Variants in ATP2C1 observed in about 807,000 individuals in gnomAD.
ATP2C1 encodes ATPase secretory pathway Ca2+ transporting 1, also known as calcium-transporting ATPase type 2C member 1.
ATP2C1 carries 31 observed loss-of-function variants against 120.5 expected under a neutral mutation model. That is an observed-to-expected ratio of 0.26 (90% CI 0.19 to 0.35). The LOEUF (loss-of-function observed/expected upper bound fraction) is 0.35. Ranked by LOEUF, ATP2C1 falls within the 10% of genes least tolerant of loss-of-function variation. ATP2C1 has a pLI of 1.00. For synonymous variants in ATP2C1, 351 were observed against 358.7 expected (o/e 0.98, Z 0.24); for missense variants, 731 against 1,107.5 (o/e 0.66, Z 4.83).
intron 6 of ATP2C1, among the ~76,000 whole-genome samples, chr3:130,939,830 A>G (rs895918520): frequency 6.6e-6 from 1 of 152,198 alleles, no homozygotes; most frequent in African/African-American, 2.4e-5. Context: ...GACTAGTACT[A>G]GCACTGCAGT....
At chr3:130,918,227 C>T (rs1269118129) in intron 2 of ATP2C1, 2 of 1,459,608 alleles carry the variant, frequency 1.4e-6, no homozygotes, top group Non-Finnish European at 1.9e-6. Context: ...CCTTACTGGG[C>T]ATGAACAAGA....
At chr3:130,870,787 G>T (rs887330738) in intron 1 of ATP2C1, among the ~76,000 whole-genome samples, 9 of 152,180 alleles carry the variant, frequency 5.9e-5, no homozygotes, top group Admixed American at 4.6e-4. Flanking sequence ...ATAAACTGAG[G>T]TGATAAAGCA....
intron 14 of ATP2C1, 114 bp downstream of exon 14, chr3:130,965,159 T>G: frequency 1.4e-6 from 1 of 727,648 alleles, no homozygotes; most frequent in Non-Finnish European, 2.4e-6. Context: ...AAATTAGTAG[T>G]GGAGTTATTT....
intron 2 of ATP2C1, among the ~76,000 whole-genome samples, chr3:130,922,276 T>G (rs2108265975): frequency 6.6e-6 from 1 of 152,338 alleles, no homozygotes; most frequent in Middle Eastern, 3.4e-3. Flanking sequence ...TTGAATGATC[T>G]TTTCTATTTC....
rs1418690702 is a variant in ATP2C1 at position 130,963,964 on chromosome 3, G to T, written c.900-7G>T. ...ACATTTTAATACTTTGTATATGTTG[G>T]TTATAGTTTGGCTGTAGCAGCAATT... is the stretch of plus-strand genomic sequence containing the variant. On this transcript the variant is annotated splice_polypyrimidine_tract_variant and splice_region_variant and intron_variant, in intron 12 of 27. Transcript: ENST00000510168. 6.2e-7 allele frequency: 1 copy of T among 1,612,182 alleles called. No individual in the cohort carries two copies. Among genetic ancestry groups the T allele is most frequent in the Admixed American group, 1.7e-5 (1 of 59,912 alleles).
At chr3:131,016,406 C>CAT in exon 27 of ATP2C1, 1 of 1,516,902 alleles carries the variant, frequency 6.6e-7, no homozygotes, top group Non-Finnish European at 9.1e-7. Flanking sequence ...ATTTTCTCCA[C>CAT]ATATACTACA....
chr3:131,012,307 G>T (rs1230220764), intron 26 of ATP2C1, among the ~76,000 whole-genome samples: 1 of 148,034 alleles, frequency 6.8e-6, no homozygotes, highest in Non-Finnish European at 1.5e-5. Context: ...ACCCAGGCTG[G>T]AGTACAGTGG....
chr3:130,975,207 C>A, intron 17 of ATP2C1, 125 bp from the exon 18 acceptor site: 1 of 950,106 alleles, frequency 1.1e-6, no homozygotes, highest in Non-Finnish European at 1.7e-6. Context: ...AGGTGGCAGT[C>A]AAAACCTTAG....
chr3:130,946,487 G>A (rs1157814948), intron 8 of ATP2C1, among the ~76,000 whole-genome samples: 4 of 152,222 alleles, frequency 2.6e-5, no homozygotes, highest in Non-Finnish European at 5.9e-5. Flanking sequence ...ACCTGAAGGA[G>A]TCAGAAATAA....
downstream of ATP2C1, among the ~76,000 whole-genome samples, chr3:131,007,185 C>A (rs746261743): frequency 2.0e-5 from 3 of 152,048 alleles, no homozygotes; most frequent in Admixed American, 2.0e-4. Flanking sequence ...CTTAGAAATC[C>A]TTTTCTAATG....
rs923355164 is a variant in ATP2C1 at position 130,918,156 on chromosome 3, A to G, written c.7-12260A>G. ...TAGAATTTTGCAGTAGTTTAGAAAGATTATCTGTGCCTAGATTATGAAGAG... is the reference window on the plus strand; with the variant it reads ...TAGAATTTTGCAGTAGTTTAGAAAGGTTATCTGTGCCTAGATTATGAAGAG... On this transcript the variant is annotated intron_variant, in intron 2 of 27. Coordinates refer to ENST00000510168, the MANE Select transcript of ATP2C1 (RefSeq NM_001378687.1). The G allele has an allele frequency of 7.4e-6, 7 of 946,198 alleles. No individual in the cohort carries two copies. The African/African-American group carries it at 9.7e-5, about 13-fold the overall frequency. 58.6% of individuals were successfully genotyped at this position (946,198 alleles called of 1,614,324 possible). A position where few individuals can be genotyped will look rare whatever the true frequency, so the allele number is the denominator to read the frequency against.
At chr3:131,015,889 T>G in intron 26 of ATP2C1, 1 of 570,642 alleles carries the variant, frequency 1.8e-6, no homozygotes, top group South Asian at 1.7e-5. Context: ...TATTAATGTA[T>G]TACTTAAAGG....
chr3:130,962,755 G>T (rs2060881387), intron 12 of ATP2C1: 1 of 149,070 alleles, frequency 6.7e-6, no homozygotes. Context: ...GAAAAAAAAG[G>T]ATTCCATTTG....
Position 131,002,359 on chromosome 3 carries a change from CAA to C in ATP2C1, c.*1011_*1012del, listed in dbSNP as rs1343632303. ...AGAATAAAAAGTCCCCAAACCCAAA[CAA>C]ATGGTTTATGAACCAGAGTATATGT... On this transcript the variant is annotated 3_prime_UTR_variant, in exon 28 of 28. Transcript: ENST00000510168. The C allele has an allele frequency of 3.0e-6, 3 of 985,204 alleles. No individual in the cohort carries two copies. Among genetic ancestry groups the C allele is most frequent in the Non-Finnish European group, 3.6e-6 (3 of 829,880 alleles). 61.0% of individuals were successfully genotyped at this position (985,204 alleles called of 1,614,324 possible).
chr3:130,922,013 G>A (rs2058992164), intron 2 of ATP2C1, among the ~76,000 whole-genome samples: 1 of 152,102 alleles, frequency 6.6e-6, no homozygotes. Context: ...TTTATCTTTA[G>A]GAATAGTTTC....
chr3:130,929,280 C>T (rs1326964385), intron 2 of ATP2C1, among the ~76,000 whole-genome samples: 2 of 152,010 alleles, frequency 1.3e-5, no homozygotes, highest in Non-Finnish European at 2.9e-5. Flanking sequence ...TTGATTGTTC[C>T]AGAAACTCAG....
intron 1 of ATP2C1, among the ~76,000 whole-genome samples, chr3:130,856,754 T>C (rs1333786362): frequency 6.6e-6 from 1 of 152,224 alleles, no homozygotes; most frequent in African/African-American, 2.4e-5. Context: ...CTGCTGCATG[T>C]TGACCTTGCC....
intron 2 of ATP2C1, among the ~76,000 whole-genome samples, chr3:130,915,901 G>A (rs1239772412): frequency 1.3e-5 from 2 of 152,180 alleles, no homozygotes; most frequent in African/African-American, 4.8e-5. Context: ...TTCTGAGTCA[G>A]TCCAAATCCA....
intron 6 of ATP2C1, among the ~76,000 whole-genome samples, chr3:130,940,311 T>C (rs1447433967): frequency 2.6e-5 from 4 of 152,252 alleles, no homozygotes; most frequent in East Asian, 1.9e-4. Context: ...ATTTTAAGGC[T>C]CAATGACTTA....
Sources: allele counts gnomAD v4.1 joint callset (sites outside exome capture counted in the v4.1 genomes callset), GRCh38; gene constraint gnomAD v4.1.1; transcripts MANE v1.5; gene names NCBI Gene and HGNC (gene_info 2026-07-23, HGNC 2026-07-21).